FHIT: variants seen among roughly 807,000 people sequenced by gnomAD.
FHIT encodes the protein fragile histidine triad diadenosine triphosphatase, also known as bis(5'-adenosyl)-triphosphatase.
Under a neutral mutation model 17.9 loss-of-function variants are expected in FHIT, and 19 were observed. The observed-to-expected ratio is 1.06, with a 90% CI of 0.74 to 1.56. FHIT has a LOEUF of 1.56. Among genes scored for constraint, FHIT ranks in the 40% most tolerant of loss-of-function variants. FHIT has a pLI of 0.00. For synonymous variants in FHIT, 81 were observed against 69.7 expected (o/e 1.16, Z -0.81); for missense variants, 248 against 189.2 (o/e 1.31, Z -1.82).
chr3:59,901,610 T>C (rs11720966), intron 8 of FHIT, among the ~76,000 whole-genome samples: 13,583 of 152,178 alleles, frequency 0.089, 827 homozygotes, highest in Middle Eastern at 0.21. Context: ...CGGATGACTA[T>C]AATAAAAAGT....
intron 5 of FHIT, among the ~76,000 whole-genome samples, chr3:60,263,708 ATTGAT>A (rs1200715445): frequency 2.6e-5 from 4 of 151,986 alleles, no homozygotes; most frequent in Admixed American, 6.6e-5. Flanking sequence ...GAAGAAACTT[ATTGAT>A]TTGATGACAG....
At chr3:60,027,913 T>G (rs1166511972) in intron 5 of FHIT, among the ~76,000 whole-genome samples, 1 of 152,204 alleles carries the variant, frequency 6.6e-6, no homozygotes, top group Non-Finnish European at 1.5e-5. Flanking sequence ...ACTGAGCACT[T>G]GAAATATGGC....
At chr3:60,924,219 C>G (rs575356886) in intron 3 of FHIT, among the ~76,000 whole-genome samples, 1 of 152,260 alleles carries the variant, frequency 6.6e-6, no homozygotes, top group South Asian at 2.1e-4. Flanking sequence ...AGTGATTCTC[C>G]CAGCATGCAG....
intron 2 of FHIT, among the ~76,000 whole-genome samples, chr3:61,105,865 G>A (rs1410981793): frequency 6.6e-6 from 1 of 152,186 alleles, no homozygotes; most frequent in Non-Finnish European, 1.5e-5. Flanking sequence ...GACGCTTTCA[G>A]CCTCCAGCAA....
intron 6 of FHIT, among the ~76,000 whole-genome samples, chr3:60,011,708 A>C (rs1481934457): frequency 6.6e-6 from 1 of 152,174 alleles, no homozygotes; most frequent in African/African-American, 2.4e-5. Context: ...ATGTTTGGGG[A>C]GGTGAAGTAT....
rs564531971 is a variant in FHIT, at chr3:60,465,781, T to C, written c.103+71079A>G. ...TTTTTATGCCAGTACCATGCTGTTT[T>C]GGTTACTATATCTCTGTAGTATAAT... On this transcript the variant is annotated intron_variant, in intron 5 of 9. Transcript: ENST00000492590. 2.6e-5 allele frequency among the ~76,000 whole-genome samples: 4 copies of C among 152,282 alleles called. No individual in the cohort carries two copies. The East Asian group carries it at 7.7e-4, about 29-fold the overall frequency.
chr3:60,308,188 T>C (rs115216739), intron 5 of FHIT, among the ~76,000 whole-genome samples: 43 of 152,250 alleles, frequency 2.8e-4, no homozygotes, highest in African/African-American at 1.0e-3. Context: ...ACCTTTACTA[T>C]AACCTTGGCC....
intron 4 of FHIT, among the ~76,000 whole-genome samples, chr3:60,733,233 C>T (rs2042068941): frequency 6.6e-6 from 1 of 152,188 alleles, no homozygotes; most frequent in South Asian, 2.1e-4. Flanking sequence ...CCCTCTCAGC[C>T]ATTTCTTGCC....
At chr3:61,127,105 G>T (rs1012518877) in intron 2 of FHIT, among the ~76,000 whole-genome samples, 4 of 152,176 alleles carry the variant, frequency 2.6e-5, no homozygotes, top group African/African-American at 9.7e-5. Context: ...GAACCAAGGA[G>T]GGATCTCTCC....
At chr3:60,169,131 T>A (rs2107395282) in intron 5 of FHIT, among the ~76,000 whole-genome samples, 1 of 152,328 alleles carries the variant, frequency 6.6e-6, no homozygotes, top group South Asian at 2.1e-4. Flanking sequence ...GAAAGACTGC[T>A]CAAAATTGTG....
chr3:60,742,242 C>T (rs576978456), intron 4 of FHIT, among the ~76,000 whole-genome samples: 6 of 152,314 alleles, frequency 3.9e-5, no homozygotes, highest in Admixed American at 3.9e-4. Context: ...CCTTAAAAAG[C>T]TACTTTTCAC....
chr3:60,791,426 G>A (rs1042650007), intron 4 of FHIT, among the ~76,000 whole-genome samples: 1 of 152,128 alleles, frequency 6.6e-6, no homozygotes, highest in Non-Finnish European at 1.5e-5. Context: ...AAAACTTTCT[G>A]CCTGACCATT....
chr3:60,730,056 A>C (rs998677642), intron 4 of FHIT: 1 of 469,904 alleles, frequency 2.1e-6, no homozygotes. Context: ...CTTTTGAAAC[A>C]ACCCTCTGGA....
intron 8 of FHIT, among the ~76,000 whole-genome samples, chr3:59,775,590 A>C (rs1049265233): frequency 2.6e-5 from 4 of 152,188 alleles, no homozygotes; most frequent in African/African-American, 9.7e-5. Flanking sequence ...TTTTAAAAAA[A>C]CTTGTTACCT....
At chr3:60,179,889 A>G (rs1357554893) in intron 5 of FHIT, among the ~76,000 whole-genome samples, 2 of 152,150 alleles carry the variant, frequency 1.3e-5, no homozygotes, top group Non-Finnish European at 2.9e-5. Context: ...ATTCCCCAGT[A>G]TTGCTCTCTC....
intron 2 of FHIT, among the ~76,000 whole-genome samples, chr3:61,072,825 T>C (rs1241787464): frequency 6.6e-6 from 1 of 152,146 alleles, no homozygotes; most frequent in African/African-American, 2.4e-5. Context: ...TAAAAAAAAG[T>C]CTTTTCTTTC....
chr3:59,881,058 G>T (rs9837647), intron 8 of FHIT, among the ~76,000 whole-genome samples: 6,826 of 152,208 alleles, frequency 0.045, 437 homozygotes, highest in African/African-American at 0.15. Flanking sequence ...ATTCCCTAAA[G>T]CAACAAACAT....
At chr3:60,493,686 C>T (rs1228748255) in intron 5 of FHIT, among the ~76,000 whole-genome samples, 2 of 152,010 alleles carry the variant, frequency 1.3e-5, no homozygotes, top group Admixed American at 6.6e-5. Context: ...GTTTTGACAA[C>T]CCATAAATAT....
chr3:61,047,624 A>T (rs188704948), intron 2 of FHIT, among the ~76,000 whole-genome samples: 63 of 152,340 alleles, frequency 4.1e-4, no homozygotes, highest in Non-Finnish European at 3.7e-4. Flanking sequence ...AGGATTGGAA[A>T]AAACTACTTT....
Sources: gnomAD v4.1 joint callset for allele counts (sites outside exome capture counted in the v4.1 genomes callset) on GRCh38, gnomAD v4.1.1 for gene constraint, MANE v1.5 for transcripts, NCBI Gene and HGNC (gene_info 2026-07-23, HGNC 2026-07-21) for gene names.